Variants in COL5A2 observed in about 807,000 individuals in gnomAD.
COL5A2 encodes the protein collagen type V alpha 2 chain.
In COL5A2, 23 loss-of-function variants were observed where a neutral mutation model predicts 208.2. That is an observed-to-expected ratio of 0.11 (90% CI 0.08 to 0.16). The LOEUF is 0.16. COL5A2 is among the 10% of genes least tolerant of loss of function. The pLI is 1.00. For synonymous variants in COL5A2, 625 were observed against 628.5 expected, an observed-to-expected ratio of 0.99 and a Z score of 0.08; for missense variants, 1,590 against 1,956.4, an observed-to-expected ratio of 0.81 and a Z score of 3.53.
At chr2:189,223,363 C>CT (rs1052383168) in intron 1 of COL5A2, among the ~76,000 whole-genome samples, 1 of 152,152 alleles carries the variant, frequency 6.6e-6, no homozygotes, top group African/African-American at 2.4e-5. Flanking sequence ...TATCCACTTC[C>CT]TTTTTTTCCA....
At chr2:189,212,829 C>T (rs1689232619) in intron 1 of COL5A2, among the ~76,000 whole-genome samples, 1 of 149,892 alleles carries the variant, frequency 6.7e-6, no homozygotes, top group Non-Finnish European at 1.5e-5. Flanking sequence ...AAAAAGTAAG[C>T]TGCTATAATT....
the COL5A2 span, among the ~76,000 whole-genome samples, chr2:189,417,976 T>G: frequency 6.6e-6 from 1 of 152,138 alleles, no homozygotes; most frequent in Admixed American, 6.6e-5. Context: ...GACTTTGCTA[T>G]TTAATTTATA....
chr2:189,298,757 A>G, the COL5A2 span, among the ~76,000 whole-genome samples: 1 of 152,164 alleles, frequency 6.6e-6, no homozygotes, highest in South Asian at 2.1e-4. Flanking sequence ...GTTTGGCTTT[A>G]GAAAGAAAAG....
intron 43 of COL5A2, 45 bp downstream of exon 43, chr2:189,050,524 G>T (rs1032130724): frequency 1.4e-6 from 2 of 1,385,342 alleles, no homozygotes; most frequent in Non-Finnish European, 2.0e-6. Context: ...TAAACAATTT[G>T]TATTGCACAT....
intron 1 of COL5A2, among the ~76,000 whole-genome samples, chr2:189,193,735 T>C (rs12999125): frequency 0.75 from 114,613 of 152,140 alleles, 45,426 homozygotes; most frequent in Non-Finnish European, 0.88. Context: ...GCATAAGCAC[T>C]CTCAGATGCT....
intron 49 of COL5A2, 91 bp from the exon 50 acceptor site, chr2:189,041,784 C>T: frequency 1.3e-6 from 1 of 768,688 alleles, no homozygotes; most frequent in African/African-American, 1.7e-5. Context: ...ACATATGGAG[C>T]TGTAACAGTG....
chr2:189,379,424 CT>C, the COL5A2 span, among the ~76,000 whole-genome samples: 2 of 152,050 alleles, frequency 1.3e-5, no homozygotes, highest in African/African-American at 4.8e-5. Flanking sequence ...TTTTTTACGG[CT>C]GGATGAAAGG....
upstream of COL5A2, among the ~76,000 whole-genome samples, chr2:189,182,792 T>C (rs188582271): frequency 2.8e-4 from 42 of 152,306 alleles, no homozygotes; most frequent in African/African-American, 9.6e-4. Context: ...GCTTGATGCA[T>C]GACACACATA....
the COL5A2 span, among the ~76,000 whole-genome samples, chr2:189,295,519 G>A: frequency 2.0e-5 from 3 of 152,178 alleles, no homozygotes; most frequent in East Asian, 3.9e-4. Context: ...GGAGGCTGAG[G>A]CAGGAGAATC....
intron 34 of COL5A2, 34 bp from the exon 35 acceptor site, chr2:189,057,060 T>C: frequency 6.3e-7 from 1 of 1,589,420 alleles, no homozygotes; most frequent in Non-Finnish European, 8.6e-7. Flanking sequence ...TTGATTCATT[T>C]AATTGTCTCT....
At chr2:189,233,987 GCTT>G in the COL5A2 span, among the ~76,000 whole-genome samples, 1 of 151,532 alleles carries the variant, frequency 6.6e-6, no homozygotes, top group African/African-American at 2.4e-5. Context: ...TTTTATTTTT[GCTT>G]CTTATCTATT....
At chr2:189,348,536 G>GACTT in the COL5A2 span, among the ~76,000 whole-genome samples, 2 of 152,144 alleles carry the variant, frequency 1.3e-5, no homozygotes, top group Admixed American at 1.3e-4. Flanking sequence ...TAAGAGTTAT[G>GACTT]ACTTCTAGTA....
At chr2:189,086,495 G>A (rs996485361) in intron 9 of COL5A2, among the ~76,000 whole-genome samples, 2 of 151,986 alleles carry the variant, frequency 1.3e-5, no homozygotes, top group Non-Finnish European at 2.9e-5. Context: ...TGTTATCGAA[G>A]GTCAGTCACA....
the COL5A2 span, among the ~76,000 whole-genome samples, chr2:189,237,137 G>A: frequency 6.6e-6 from 1 of 151,660 alleles, no homozygotes; most frequent in African/African-American, 2.4e-5. Flanking sequence ...TGATCTAGAG[G>A]TTTACTGTTT....
In COL5A2 at chr2:189,065,078, A is replaced by G. The variant is rs576139839; in HGVS notation, c.1564-21T>C. The G allele has an allele frequency of 5.0e-6, 8 of 1,611,436 alleles. No homozygotes were observed. In the African/African-American group the frequency reaches 6.7e-5, roughly 13 times the overall value. ...GCACCCTACAAATGACCAAAATGTG[A>G]TTCTTAATTGTTGTTGATATTTTTG... On this transcript the variant is annotated intron_variant, in intron 23 of 53. Coordinates refer to ENST00000374866, the MANE Select transcript of COL5A2 (RefSeq NM_000393.5).
intron 1 of COL5A2, among the ~76,000 whole-genome samples, chr2:189,197,907 C>T (rs1973666): frequency 0.75 from 113,693 of 150,602 alleles, 45,064 homozygotes; most frequent in Non-Finnish European, 0.88. Context: ...TGGAGTGCAG[C>T]GGCACGATCT....
Position 189,225,226 on chromosome 2 carries a change from A to G in COL5A2, c.-120T>C, listed in dbSNP as rs566034107. Among the ~76,000 whole-genome samples, 9 of 152,290 alleles carry G rather than the reference A, an allele frequency of 5.9e-5. No individual in the cohort carries two copies. In the South Asian group the frequency reaches 1.9e-3, roughly 32 times the overall value. Reference sequence around the variant, plus strand: ...GTGGTTTTGTGGTACGAGAGATAGCAGCAACTCTAGGATCCAAAAGCCTAA... The same window carrying G: ...GTGGTTTTGTGGTACGAGAGATAGCGGCAACTCTAGGATCCAAAAGCCTAA... On this transcript the variant is annotated 5_prime_UTR_variant, in exon 1 of 11. Transcript: ENST00000649966.
At chr2:189,423,545 C>G in the COL5A2 span, among the ~76,000 whole-genome samples, 1 of 151,744 alleles carries the variant, frequency 6.6e-6, no homozygotes, top group Non-Finnish European at 1.5e-5. Context: ...AAAAATATCA[C>G]AGTGGATAAC....
the COL5A2 span, among the ~76,000 whole-genome samples, chr2:189,341,385 G>A: frequency 5.3e-5 from 8 of 152,122 alleles, no homozygotes; most frequent in South Asian, 2.1e-4. Context: ...TTCTAGTGAC[G>A]CAATTGTGAC....
Sources: gnomAD v4.1 joint callset for allele counts (sites outside exome capture counted in the v4.1 genomes callset) on GRCh38, gnomAD v4.1.1 for gene constraint, MANE v1.5 for transcripts, NCBI Gene and HGNC (gene_info 2026-07-23, HGNC 2026-07-21) for gene names.